The following SH2D4A variants were observed in gnomAD, a reference collection of about 807,000 sequenced individuals.
SH2D4A encodes the protein SH2 domain-containing protein 4A.
SH2D4A carries 70 observed loss-of-function variants against 64.7 expected under a neutral mutation model. The observed-to-expected ratio is 1.08, with a 90% confidence interval of 0.89 to 1.32. The LOEUF (loss-of-function observed/expected upper bound fraction) is 1.32, where lower values mean the gene tolerates loss of function less well. SH2D4A is among the 40% of genes most tolerant of loss of function. The pLI, the probability that SH2D4A is intolerant of heterozygous loss-of-function variation, is 0.00. For synonymous variants in SH2D4A, 268 were observed against 200.7 expected (o/e 1.34, Z -2.83); for missense variants, 706 against 540.1 (o/e 1.31, Z -3.04).
intron 8 of SH2D4A, among the ~76,000 whole-genome samples, chr8:19,389,540 C>A (rs565793254): frequency 4.2e-4 from 64 of 152,198 alleles, no homozygotes; most frequent in African/African-American, 1.5e-3. Flanking sequence ...AGTTTCAGTT[C>A]CTGCTCTGCC....
intron 7 of SH2D4A, among the ~76,000 whole-genome samples, chr8:19,369,719 CTT>C (rs920769191): frequency 1.3e-5 from 2 of 151,870 alleles, no homozygotes; most frequent in Non-Finnish European, 2.9e-5. Flanking sequence ...TGAGTCATCT[CTT>C]TTTCTTTGTG....
chr8:19,367,495 T>A (rs1349037585), intron 7 of SH2D4A, among the ~76,000 whole-genome samples: 3 of 152,200 alleles, frequency 2.0e-5, no homozygotes, highest in Non-Finnish European at 4.4e-5. Context: ...TGATTAGTGG[T>A]ATTGGGCATT....
At chr8:19,356,178 A>C (rs1585175939) in intron 4 of SH2D4A, among the ~76,000 whole-genome samples, 1 of 152,294 alleles carries the variant, frequency 6.6e-6, no homozygotes, top group East Asian at 1.9e-4. Context: ...CCTGTTGTCA[A>C]CTGCATTATG....
At chr8:19,350,610 A>C (rs1193794194) in intron 4 of SH2D4A, among the ~76,000 whole-genome samples, 1 of 152,006 alleles carries the variant, frequency 6.6e-6, no homozygotes, top group Non-Finnish European at 1.5e-5. Flanking sequence ...TCGCCTCCCG[A>C]GTAGCTGGAA....
intron 2 of SH2D4A, among the ~76,000 whole-genome samples, chr8:19,329,953 T>C (rs1197584784): frequency 2.6e-5 from 4 of 152,220 alleles, no homozygotes; most frequent in Non-Finnish European, 5.9e-5. Context: ...ACACTGTGTC[T>C]ACCTCAGTGC....
chr8:19,367,390 A>C (rs983513094), intron 7 of SH2D4A, among the ~76,000 whole-genome samples: 3 of 152,150 alleles, frequency 2.0e-5, no homozygotes, highest in Admixed American at 1.3e-4. Flanking sequence ...TCCTTTCTCT[A>C]GATTCTCACC....
At chr8:19,340,031 G>A (rs995079696) in intron 4 of SH2D4A, among the ~76,000 whole-genome samples, 4 of 152,160 alleles carry the variant, frequency 2.6e-5, no homozygotes, top group Admixed American at 6.5e-5. Flanking sequence ...TAAGGGATAG[G>A]TTTCTGTTCA....
chr8:19,363,785 A>G (rs552009939), intron 6 of SH2D4A: 74 of 422,476 alleles, frequency 1.8e-4, no homozygotes, highest in African/African-American at 1.4e-3. Context: ...AACTGCAGGA[A>G]ATTCTTGCAC....
rs1288634059 is a variant in SH2D4A at position 19,364,051 on chromosome 8, C to T, written c.707-21C>T. The T allele has an allele frequency of 1.5e-5, 24 of 1,612,892 alleles. No individual in the cohort carries two copies. In the Admixed American group the frequency reaches 2.2e-4, roughly 15 times the overall value. ...CTCTGTGGGCTGATGAGGGTTTTCT[C>T]CGACCCCGTTGTTTTTCCAGTGCGA... On this transcript the variant is annotated intron_variant, in intron 6 of 9. Coordinates refer to ENST00000265807, the MANE Select transcript of SH2D4A (RefSeq NM_022071.4).
Position 19,358,832 on chromosome 8 carries a change from G to A in SH2D4A, c.594+1549G>A, listed in dbSNP as rs541225004. Among the ~76,000 whole-genome samples, 25 of 152,294 alleles carry A rather than the reference G, an allele frequency of 1.6e-4. 1 individual carries two copies. The highest frequency in any genetic ancestry group is 5.8e-4 in the East Asian group (3 of 5,178). On this transcript the variant is annotated intron_variant, in intron 5 of 9. Transcript: ENST00000265807. ...CAGCGGCTTTCTATATGGGCCCAGC[G>A]TGCCCTTGTTTTCTGGTACTGTTAG...
rs574269701 is a variant in SH2D4A, at chr8:19,352,789, T to C, written c.514-4414T>C. Among the ~76,000 whole-genome samples the C allele has an allele frequency of 3.3e-5, 5 of 152,208 alleles. No homozygotes were observed. In the East Asian group the frequency reaches 9.7e-4, roughly 29 times the overall value. On this transcript the variant is annotated intron_variant, in intron 4 of 9. Transcript: ENST00000265807. ...TGGGAGGCTGAGGTGGGAGCGTCAC[T>C]TGAGCTCAGGAGTTTGAAACCAGCC...
intron 4 of SH2D4A, among the ~76,000 whole-genome samples, chr8:19,339,814 C>G (rs770715585): frequency 6.6e-6 from 1 of 152,068 alleles, no homozygotes; most frequent in Non-Finnish European, 1.5e-5. Context: ...ATACATTTTT[C>G]TTAGCTTAAA....
intron 7 of SH2D4A, among the ~76,000 whole-genome samples, chr8:19,371,511 C>T (rs546925765): frequency 6.6e-6 from 1 of 152,090 alleles, no homozygotes; most frequent in African/African-American, 2.4e-5. Context: ...TTTGTCTCTG[C>T]ACTCTGAGGG....
At chr8:19,324,454 T>A (rs1378649943) in intron 2 of SH2D4A, among the ~76,000 whole-genome samples, 2 of 152,212 alleles carry the variant, frequency 1.3e-5, no homozygotes, top group East Asian at 3.9e-4. Context: ...TGACAGTGTT[T>A]GCCTCCCTGT....
chr8:19,371,540 T>C (rs2053096036), intron 7 of SH2D4A, among the ~76,000 whole-genome samples: 1 of 152,200 alleles, frequency 6.6e-6, no homozygotes, highest in African/African-American at 2.4e-5. Flanking sequence ...TAATATGTCT[T>C]GGGGTATTCC....
intron 3 of SH2D4A, among the ~76,000 whole-genome samples, chr8:19,333,822 C>G (rs573184721): frequency 1.5e-3 from 229 of 152,228 alleles, no homozygotes; most frequent in African/African-American, 5.2e-3. Context: ...GAGTGGTTTT[C>G]CAGCTACAGA....
chr8:19,376,808 A>G (rs2053203663), intron 8 of SH2D4A, among the ~76,000 whole-genome samples: 1 of 152,122 alleles, frequency 6.6e-6, no homozygotes, highest in Non-Finnish European at 1.5e-5. Flanking sequence ...CATTCAGATG[A>G]GCAGTTAGTT....
chr8:19,383,094 A>C lies in SH2D4A; in HGVS notation c.1048+9434A>C, dbSNP rs554012807. 9.9e-5 allele frequency among the ~76,000 whole-genome samples: 15 copies of C among 152,032 alleles called. No individual in the cohort carries two copies. The East Asian group carries it at 2.7e-3, about 27-fold the overall frequency. On this transcript the variant is annotated intron_variant, in intron 8 of 9. Coordinates refer to ENST00000265807, the MANE Select transcript of SH2D4A (RefSeq NM_022071.4). Reference sequence around the variant, plus strand: ...TTCATTGAATTTCTTGGATGTTTATATAATGTCTTGCATCAAATTTGGGAA... The same window carrying C: ...TTCATTGAATTTCTTGGATGTTTATCTAATGTCTTGCATCAAATTTGGGAA...
At chr8:19,390,010 G>C (rs1243814212) in intron 8 of SH2D4A, among the ~76,000 whole-genome samples, 2 of 152,210 alleles carry the variant, frequency 1.3e-5, no homozygotes, top group Non-Finnish European at 2.9e-5. Flanking sequence ...TTAGGGGCTG[G>C]GATGAAGACC....
Sources: gnomAD v4.1 joint callset for allele counts (sites outside exome capture counted in the v4.1 genomes callset) on GRCh38, gnomAD v4.1.1 for gene constraint, MANE v1.5 for transcripts, NCBI Gene and HGNC (gene_info 2026-07-23, HGNC 2026-07-21) for gene names.